Variants in ILDR2 observed in about 807,000 individuals in gnomAD.
ILDR2 encodes immunoglobulin-like domain-containing receptor 2.
ILDR2 carries 25 observed loss-of-function variants against 66.8 expected under a neutral mutation model. That is an observed-to-expected ratio of 0.37 (90% CI 0.27 to 0.52). The LOEUF is 0.52. Among genes scored for constraint, ILDR2 ranks in the 20% least tolerant of loss-of-function variants. ILDR2 has a pLI of 0.88. For missense variants in ILDR2, 827 were observed against 876.8 expected (o/e 0.94, Z 0.72); for synonymous variants, 367 against 357.2 (o/e 1.03, Z -0.31).
At position 166,927,493 on chromosome 1, in the gene ILDR2, G is replaced by A. The variant is rs187432413; in HGVS notation, c.881-313C>T. On this transcript the variant is annotated intron_variant, in intron 6 of 9. Transcript: ENST00000271417. Reference sequence around the variant, plus strand: ...TCCACTTAGTGCTCATCTTCTCAGCGCTTTTGCGTTCCATTGGAGGAGCAT... The same window carrying A: ...TCCACTTAGTGCTCATCTTCTCAGCACTTTTGCGTTCCATTGGAGGAGCAT... Among the ~76,000 whole-genome samples the A allele has an allele frequency of 4.6e-5, 7 of 152,256 alleles. No homozygotes were observed. In the East Asian group the frequency reaches 9.7e-4, roughly 21 times the overall value.
chr1:166,920,572 C>A, intron 9 of ILDR2, 135 bp downstream of exon 9: 1 of 1,004,950 alleles, frequency 1.0e-6, no homozygotes, highest in East Asian at 3.3e-5. Flanking sequence ...CTCGCCCAGG[C>A]AGGCCCCTGC....
chr1:166,922,528 G>C (rs747301669), intron 8 of ILDR2, 65 bp downstream of exon 8: 12 of 1,342,884 alleles, frequency 8.9e-6, no homozygotes, highest in Middle Eastern at 2.5e-4. Flanking sequence ...CCTTGCCTCC[G>C]ATCTACCCTG....
At chr1:166,924,182 T>C (rs1195592650) in intron 7 of ILDR2, among the ~76,000 whole-genome samples, 1 of 152,340 alleles carries the variant, frequency 6.6e-6, no homozygotes, top group East Asian at 1.9e-4. Flanking sequence ...TTTAACCTTT[T>C]CTTCCATCTA....
chr1:166,922,444 C>A, intron 8 of ILDR2, 149 bp downstream of exon 8: 1 of 691,558 alleles, frequency 1.4e-6, no homozygotes, highest in Admixed American at 2.2e-5. Flanking sequence ...GTGAGATGTT[C>A]AATATCCTGT....
intron 8 of ILDR2, among the ~76,000 whole-genome samples, chr1:166,922,175 T>C (rs866547578): frequency 2.0e-5 from 3 of 152,166 alleles, no homozygotes; most frequent in Admixed American, 6.5e-5. Context: ...CCCAGCACTT[T>C]GGGAGGCCAA....
At chr1:166,924,791 G>T (rs1660176679) in intron 7 of ILDR2, among the ~76,000 whole-genome samples, 1 of 152,174 alleles carries the variant, frequency 6.6e-6, no homozygotes, top group African/African-American at 2.4e-5. Flanking sequence ...AATGAGGGAG[G>T]ATTGCTTGAG....
At position 166,913,006 on chromosome 1, in the gene ILDR2, T is replaced by C. The variant is rs149491221; in HGVS notation, c.*6349A>G. The C allele has an allele frequency of 3.9e-5, 6 of 152,344 alleles. 1 individual carries two copies. The highest frequency in any genetic ancestry group is 1.2e-4 in the African/African-American group (5 of 41,578). 9.4% of individuals were successfully genotyped at this position (152,344 alleles called of 1,614,324 possible). A position where few individuals can be genotyped will look rare whatever the true frequency, so the allele number is the denominator to read the frequency against. ...GTGACAACAGAATTTATCTAGCTTA[T>C]TACAATCTGTAAAAGCATACCTTTT... On this transcript the variant is annotated 3_prime_UTR_variant, in exon 10 of 10. Transcript: ENST00000271417.
intron 6 of ILDR2, 26 bp from the exon 7 acceptor site, chr1:166,927,206 A>C: frequency 6.7e-7 from 1 of 1,500,466 alleles, no homozygotes; most frequent in Non-Finnish European, 9.2e-7. Context: ...CAAGAAGGTG[A>C]GCTGAAAAAG....
intron 8 of ILDR2, 28 bp downstream of exon 8, chr1:166,922,565 G>A (rs772114990): frequency 5.6e-6 from 9 of 1,598,738 alleles, no homozygotes; most frequent in African/African-American, 5.4e-5. Context: ...CCCTCACACC[G>A]ACCAGACCTG....
intron 1 of ILDR2, among the ~76,000 whole-genome samples, chr1:166,959,025 C>G (rs932413827): frequency 2.6e-5 from 4 of 152,166 alleles, no homozygotes; most frequent in African/African-American, 7.2e-5. Flanking sequence ...CTTTGAGCAC[C>G]AAGCTCCAAG....
chr1:166,900,511 G>A (rs1396026596), intron 2 of ILDR2, among the ~76,000 whole-genome samples: 2 of 152,182 alleles, frequency 1.3e-5, no homozygotes, highest in African/African-American at 4.8e-5. Context: ...GTAATTGCTT[G>A]GATAATTACA....
In ILDR2 at chr1:166,916,057, A is replaced by G. The variant is rs1330022940; in HGVS notation, c.*3298T>C. On this transcript the variant is annotated 3_prime_UTR_variant, in exon 10 of 10. Coordinates refer to ENST00000271417, the MANE Select transcript of ILDR2 (RefSeq NM_199351.3). ...CCTAATGAATCCATGCATGGCCTAGAGAAGCAGCTCATCTACCAGGGGACA... is the reference window on the plus strand; with the variant it reads ...CCTAATGAATCCATGCATGGCCTAGGGAAGCAGCTCATCTACCAGGGGACA... The G allele has an allele frequency of 6.6e-6, 1 of 152,336 alleles. No individual in the cohort carries two copies. The allele number at this position is 152,336 out of a possible 1,614,324, so 9.4% of individuals were successfully genotyped here.
chr1:166,934,443 C>G (rs535091900), intron 6 of ILDR2, among the ~76,000 whole-genome samples: 48 of 152,294 alleles, frequency 3.2e-4, no homozygotes, highest in African/African-American at 9.9e-4. Context: ...CCATCATAAT[C>G]TAGATGCTCA....
chr1:166,897,564 T>C (rs1354553523), intron 2 of ILDR2, among the ~76,000 whole-genome samples: 1 of 152,108 alleles, frequency 6.6e-6, no homozygotes. Context: ...CTCCCAACCT[T>C]AGGGAGGGGA....
intron 1 of ILDR2, among the ~76,000 whole-genome samples, chr1:166,968,450 T>C (rs548293836): frequency 3.4e-4 from 52 of 152,124 alleles, no homozygotes; most frequent in Admixed American, 1.2e-3. Flanking sequence ...TAACCATCTA[T>C]CTCCCCCACT....
chr1:166,938,270 T>G lies in ILDR2; in HGVS notation c.556+1244A>C, dbSNP rs577982045. 2.6e-5 allele frequency among the ~76,000 whole-genome samples: 4 copies of G among 152,316 alleles called. No individual in the cohort carries two copies. The East Asian group carries it at 7.7e-4, about 29-fold the overall frequency. The stretch of plus-strand genomic sequence containing the variant: ...AGCTGTATGAAGTGGTGGCTACAAC[T>G]TGGGTCAAGCATTCAAGGATAAGAC... On this transcript the variant is annotated intron_variant, in intron 4 of 9. Transcript: ENST00000271417.
chr1:166,960,465 C>A (rs1268949821), intron 1 of ILDR2, among the ~76,000 whole-genome samples: 3 of 152,214 alleles, frequency 2.0e-5, no homozygotes, highest in Non-Finnish European at 4.4e-5. Context: ...ATCTGAGACT[C>A]ATTTTCCTCA....
chr1:166,912,335 CAACA>C lies in ILDR2; in HGVS notation c.*7016_*7019del, dbSNP rs996087634. On this transcript the variant is annotated 3_prime_UTR_variant, in exon 10 of 10. Coordinates refer to ENST00000271417, the MANE Select transcript of ILDR2 (RefSeq NM_199351.3). ...CAACAAAGACTGATGAGTATCCTAC[CAACA>C]AATCATTACTGAAGTAAACTTCCTT... is the stretch of plus-strand genomic sequence containing the variant. 3.3e-5 allele frequency: 5 copies of C among 151,798 alleles called. No homozygotes were observed. The highest frequency in any genetic ancestry group is 5.9e-5 in the Non-Finnish European group (4 of 67,942). The allele number at this position is 151,798 out of a possible 1,614,324, so 9.4% of individuals were successfully genotyped here.
chr1:166,904,995 T>C (rs981641889), downstream of ILDR2, among the ~76,000 whole-genome samples: 4 of 152,204 alleles, frequency 2.6e-5, no homozygotes, highest in Admixed American at 2.0e-4. Flanking sequence ...ATAAAGGTCT[T>C]ACTCAGAAAG....
Sources: gnomAD v4.1 joint callset for allele counts (sites outside exome capture counted in the v4.1 genomes callset) on GRCh38, gnomAD v4.1.1 for gene constraint, MANE v1.5 for transcripts, NCBI Gene and HGNC (gene_info 2026-07-23, HGNC 2026-07-21) for gene names.